Variants in FH observed in about 807,000 individuals in gnomAD.
FH encodes the protein fumarate hydratase, mitochondrial.
Under a neutral mutation model 49.4 loss-of-function variants are expected in FH, and 22 were observed. The ratio of observed to expected loss-of-function variants is 0.45; its 90% CI spans 0.32 to 0.64. FH has a LOEUF of 0.64. Among genes scored for constraint, FH ranks in the 30% least tolerant of loss-of-function variants. The pLI, the probability that FH is intolerant of heterozygous loss-of-function variation, is 0.05. For synonymous variants in FH, 208 were observed against 223.0 expected (o/e 0.93, Z 0.60); for missense variants, 526 against 641.5 (o/e 0.82, Z 1.95).
Position 241,497,890 on chromosome 1 carries a change from A to G in FH, c.1471T>C (p.Tyr491His), listed in dbSNP as rs749713004. The G allele has an allele frequency of 7.4e-6, 12 of 1,613,498 alleles. No individual in the cohort carries two copies. The highest frequency in any genetic ancestry group is 1.0e-5 in the Non-Finnish European group (12 of 1,179,932). Reference protein sequence around the residue: ...TLKETAIELGYLTAEQFDEWV... With the variant: ...TLKETAIELGHLTAEQFDEWV... The stretch of plus-strand genomic sequence containing the variant: ...TCGTCAAACTGCTCTGCTGTGAGAT[A>G]GCCAAGTTCGATAGCAGTTTCCTTT... Residue 491 changes from tyrosine to histidine, a missense_variant, in exon 10 of 10, where the codon TAT becomes CAT. Coordinates refer to ENST00000366560, the MANE Select transcript of FH (RefSeq NM_000143.4).
At chr1:241,507,801 T>G (rs1223641901) in intron 5 of FH, among the ~76,000 whole-genome samples, 1 of 152,180 alleles carries the variant, frequency 6.6e-6, no homozygotes, top group Non-Finnish European at 1.5e-5. Context: ...TCCAGTGAGT[T>G]CAATTTAGTC....
At chr1:241,516,359 G>C (rs1220807344) in intron 2 of FH, among the ~76,000 whole-genome samples, 1 of 152,186 alleles carries the variant, frequency 6.6e-6, no homozygotes, top group Non-Finnish European at 1.5e-5. Context: ...CCTTTGCAGA[G>C]ATATGGATGG....
chr1:241,508,025 A>G (rs953903664), intron 5 of FH, among the ~76,000 whole-genome samples: 6 of 152,228 alleles, frequency 3.9e-5, no homozygotes, highest in Non-Finnish European at 8.8e-5. Flanking sequence ...AGAGAGTAGT[A>G]TCTCCTTCAC....
chr1:241,498,723 A>ATATATATATATATATATATATATG (rs1558395764), intron 9 of FH, among the ~76,000 whole-genome samples: 48 of 99,326 alleles, frequency 4.8e-4, no homozygotes, highest in African/African-American at 1.8e-3. Flanking sequence ...ATATATATAT[A>ATATATATATATATATATATATATG]TATATATATA....
chr1:241,506,094 C>T lies in FH; in HGVS notation c.813G>A (p.Glu271=), dbSNP rs2147917636. 6.2e-7 allele frequency: 1 copy of T among 1,613,890 alleles called. No individual in the cohort carries two copies. The highest frequency in any genetic ancestry group is 8.5e-7 in the Non-Finnish European group (1 of 1,179,838). Residue 271 remains glutamate (E), a synonymous_variant, in exon 6 of 10, where the codon GAG becomes GAA. Coordinates refer to ENST00000366560, the MANE Select transcript of FH (RefSeq NM_000143.4). ...RIKAAMPRIY[E]LAAGGTAVGT... ...CAACAGCAGTGCCTCCAGCTGCGAG[C>T]TCATAGATTCTTGGCATGGCAGCTT...
chr1:241,512,108 G>A lies in FH; in HGVS notation c.414C>T (p.Leu138=), dbSNP rs540968725. ...AEGKLNDHFP[L]VVWQTGSGTQ... is the part of the protein sequence containing the mutation. ...TTCCTGATCCAGTCTGCCATACCAC[G>A]AGAGGAAAATGATCATTTAATTTAC... The change falls in exon 4 of 10, where the codon CTC becomes CTT. Residue 138 remains leucine, a synonymous_variant. Coordinates refer to ENST00000366560, the MANE Select transcript of FH (RefSeq NM_000143.4). 12 of 1,613,736 alleles carry A rather than the reference G, an allele frequency of 7.4e-6. No individual in the cohort carries two copies. The highest frequency in any genetic ancestry group is 6.7e-5 in the African/African-American group (5 of 74,984).
At chr1:241,515,234 G>A (rs1053053880) in intron 2 of FH, among the ~76,000 whole-genome samples, 8 of 151,960 alleles carry the variant, frequency 5.3e-5, no homozygotes, top group Non-Finnish European at 8.8e-5. Context: ...TGACAAAATC[G>A]AGACCCCAGG....
At position 241,516,872 on chromosome 1, in the gene FH, C is replaced by T. The variant is rs1408294662; in HGVS notation, c.267+310G>A. On this transcript the variant is annotated intron_variant, in intron 2 of 9. Coordinates refer to ENST00000366560, the MANE Select transcript of FH (RefSeq NM_000143.4). ...TTCACCATGTTGGCCAGGATGGTCTCGATCTCTTGACCTCGTGATCTGCCC... is the reference window on the plus strand; with the variant it reads ...TTCACCATGTTGGCCAGGATGGTCTTGATCTCTTGACCTCGTGATCTGCCC... Among the ~76,000 whole-genome samples the T allele has an allele frequency of 2.6e-5, 4 of 151,848 alleles. 1 individual carries two copies. Among genetic ancestry groups the T allele is most frequent in the South Asian group, 4.2e-4 (2 of 4,808 alleles).
At position 241,497,786 on chromosome 1, in the gene FH, T is replaced by A. The variant is rs1311227079; in HGVS notation, c.*42A>T. On this transcript the variant is annotated 3_prime_UTR_variant, in exon 10 of 10. Coordinates refer to ENST00000366560, the MANE Select transcript of FH (RefSeq NM_000143.4). ...TTTAAGAAATGGGAGTCTGTTTTTT[T>A]AAATTTTATACATGTTTATTTTCAT... is the stretch of plus-strand genomic sequence containing the variant. The A allele has an allele frequency of 2.0e-6, 3 of 1,524,908 alleles. No individual in the cohort carries two copies. The highest frequency in any genetic ancestry group is 2.7e-6 in the Non-Finnish European group (3 of 1,127,636). The allele number at this position is 1,524,908 out of a possible 1,614,324, so 94.5% of individuals were successfully genotyped here. A position where few individuals can be genotyped will look rare whatever the true frequency, so the allele number is the denominator to read the frequency against.
chr1:241,501,033 T>C (rs563074228), intron 8 of FH, among the ~76,000 whole-genome samples: 7 of 152,278 alleles, frequency 4.6e-5, no homozygotes, highest in African/African-American at 1.4e-4. Context: ...AAGTTCAGTA[T>C]GAGTGTGAGG....
chr1:241,500,351 C>G, intron 9 of FH, 86 bp downstream of exon 9: 1 of 1,353,268 alleles, frequency 7.4e-7, no homozygotes. Context: ...TTGCTGTTCT[C>G]AAACACTGAT....
intron 2 of FH, 70 bp downstream of exon 2, chr1:241,517,112 A>G: frequency 6.3e-7 from 1 of 1,578,786 alleles, no homozygotes; most frequent in Non-Finnish European, 8.7e-7. Flanking sequence ...AAATATTTAT[A>G]AAGTAAAGTG....
chr1:241,502,733 G>A (rs911457986), intron 7 of FH, among the ~76,000 whole-genome samples, 163 bp from the exon 8 acceptor site: 3 of 152,168 alleles, frequency 2.0e-5, no homozygotes, highest in African/African-American at 7.2e-5. Flanking sequence ...GGTGGGATGG[G>A]TAGCCACAAA....
intron 3 of FH, among the ~76,000 whole-genome samples, 170 bp downstream of exon 3, chr1:241,513,433 C>T (rs1369969803): frequency 6.6e-6 from 1 of 152,126 alleles, no homozygotes; most frequent in East Asian, 1.9e-4. Context: ...CACAATGTAA[C>T]GTTTTAAGCA....
intron 4 of FH, among the ~76,000 whole-genome samples, chr1:241,511,714 A>T (rs556330864): frequency 6.6e-6 from 1 of 152,318 alleles, no homozygotes; most frequent in African/African-American, 2.4e-5. Flanking sequence ...TTCTCTTATA[A>T]ATCTAAAATT....
In FH at chr1:241,516,473, AAGG is replaced by A. The variant is rs1403827007; in HGVS notation, c.267+706_267+708del. On this transcript the variant is annotated intron_variant, in intron 2 of 9. Coordinates refer to ENST00000366560, the MANE Select transcript of FH (RefSeq NM_000143.4). ...CTGAACAATGAGAACATATGGACAC[AAGG>A]AGGGGAACAAAGCACACAGGGGCCT... Among the ~76,000 whole-genome samples, 5 of 152,196 alleles carry A rather than the reference AAGG, an allele frequency of 3.3e-5. No homozygotes were observed. In the South Asian group the frequency reaches 1.0e-3, roughly 32 times the overall value.
intron 2 of FH, among the ~76,000 whole-genome samples, chr1:241,516,858 G>A: frequency 6.6e-6 from 1 of 150,726 alleles, no homozygotes; most frequent in East Asian, 1.9e-4. Flanking sequence ...TCACCATGTT[G>A]GCCAGGATGG....
chr1:241,515,272 C>T (rs1224452872), intron 2 of FH, among the ~76,000 whole-genome samples: 3 of 152,056 alleles, frequency 2.0e-5, no homozygotes, highest in African/African-American at 4.8e-5. Context: ...TGTGCAATCC[C>T]AATGGCTGTG....
chr1:241,519,375 C>T (rs1660305485), intron 1 of FH: 1 of 566,048 alleles, frequency 1.8e-6, no homozygotes, highest in Admixed American at 4.1e-5. Context: ...CCCGTCCCTC[C>T]CCAAGCGCTC....
Sources: allele counts gnomAD v4.1 joint callset (sites outside exome capture counted in the v4.1 genomes callset), GRCh38; gene constraint gnomAD v4.1.1; transcripts MANE v1.5; gene names NCBI Gene and HGNC (gene_info 2026-07-23, HGNC 2026-07-21).